The following CLIC5 variants were observed in gnomAD, a reference collection of about 807,000 sequenced individuals.
CLIC5 encodes the protein chloride intracellular channel protein 5.
Under a neutral mutation model 24.7 loss-of-function variants are expected in CLIC5, and 20 were observed. The observed-to-expected ratio is 0.81, with a 90% CI of 0.57 to 1.18. The LOEUF is 1.18. Among genes scored for constraint, CLIC5 ranks in the 50% most tolerant of loss-of-function variants. CLIC5 has a pLI of 0.00. For missense variants in CLIC5, 341 were observed against 326.1 expected, an observed-to-expected ratio of 1.05 and a Z score of -0.35; for synonymous variants, 159 against 135.6, an observed-to-expected ratio of 1.17 and a Z score of -1.20.
chr6:46,015,740 G>T lies in CLIC5; in HGVS notation c.-198C>A, dbSNP rs1344373539. The T allele has an allele frequency of 1.6e-6, 2 of 1,240,240 alleles. No individual in the cohort carries two copies. The highest frequency in any genetic ancestry group is 2.0e-6 in the Non-Finnish European group (2 of 992,240). 76.8% of individuals were successfully genotyped at this position (1,240,240 alleles called of 1,614,324 possible). A position where few individuals can be genotyped will look rare whatever the true frequency, so the allele number is the denominator to read the frequency against. On this transcript the variant is annotated 5_prime_UTR_variant, in exon 1 of 6. Transcript: ENST00000339561. ...GTGTCCCAGATGCTCACATGAAAAG[G>T]AGCGAAGCCGGGAGGAGGCGGGGGG...
the CLIC5 span, among the ~76,000 whole-genome samples, chr6:46,104,659 A>T: frequency 6.7e-6 from 1 of 149,316 alleles, no homozygotes; most frequent in Non-Finnish European, 1.5e-5. Context: ...AAAGACTCCT[A>T]TGTTTAAAAA....
At chr6:46,126,166 C>A in the CLIC5 span, among the ~76,000 whole-genome samples, 1 of 152,168 alleles carries the variant, frequency 6.6e-6, no homozygotes, top group Non-Finnish European at 1.5e-5. Flanking sequence ...AATTAACAGT[C>A]AGCCCCATCT....
chr6:46,047,826 T>C (rs1167919991), intron 1 of CLIC5, among the ~76,000 whole-genome samples: 1 of 103,918 alleles, frequency 9.6e-6, no homozygotes. Context: ...GCATTCAAAG[T>C]GTATGTTTCA....
the CLIC5 span, among the ~76,000 whole-genome samples, chr6:46,105,274 T>G: frequency 1.3e-5 from 2 of 152,158 alleles, no homozygotes; most frequent in Non-Finnish European, 2.9e-5. Context: ...GCCAGAAATA[T>G]CAGTTGTTTG....
At chr6:46,015,094 T>C (rs1445154158) in intron 1 of CLIC5, among the ~76,000 whole-genome samples, 5 of 152,158 alleles carry the variant, frequency 3.3e-5, no homozygotes, top group Non-Finnish European at 7.4e-5. Context: ...TTCCTCCCCC[T>C]CCTCCCGTTT....
chr6:45,913,323 T>C (rs953862031), intron 5 of CLIC5, among the ~76,000 whole-genome samples: 16 of 152,138 alleles, frequency 1.1e-4, no homozygotes, highest in African/African-American at 3.4e-4. Flanking sequence ...GGGGAAGAAG[T>C]GCTCATTGAC....
At chr6:45,938,144 G>A (rs774339770) in intron 4 of CLIC5, among the ~76,000 whole-genome samples, 1 of 152,246 alleles carries the variant, frequency 6.6e-6, no homozygotes, top group Admixed American at 6.5e-5. Flanking sequence ...GCAAAGTAAT[G>A]TAGGGCGGCA....
chr6:46,051,165 G>A (rs1768092230), intron 1 of CLIC5, among the ~76,000 whole-genome samples: 1 of 152,106 alleles, frequency 6.6e-6, no homozygotes, highest in East Asian at 1.9e-4. Flanking sequence ...TTCCTCTCTT[G>A]CACTTGTAAG....
rs1192750031 is a variant in CLIC5 at position 45,974,497 on chromosome 6, G to GTGTATATATATATA, written c.64-19254_64-19253insTATATATATATACA. 7.9e-4 allele frequency among the ~76,000 whole-genome samples: 60 copies of GTGTATATATATATA among 76,096 alleles called. 3 individuals are homozygous for GTGTATATATATATA. The highest frequency in any genetic ancestry group is 2.0e-3 in the South Asian group (3 of 1,488). 49.9% of individuals were successfully genotyped at this position (76,096 alleles called of 152,430 possible). The stretch of plus-strand genomic sequence containing the variant: ...AGTGTTTACTACTGTGTGTGTGTGT[G>GTGTATATATATATA]TATATATATATATATATATATATAT... On this transcript the variant is annotated intron_variant, in intron 1 of 5. Transcript: ENST00000339561.
chr6:45,928,767 A>AGTGTGTGT (rs5875948), intron 4 of CLIC5, among the ~76,000 whole-genome samples: 3,344 of 144,136 alleles, frequency 0.023, 120 homozygotes, highest in African/African-American at 0.085. Context: ...GAAGTGCATA[A>AGTGTGTGT]GTGTGTGTGT....
At chr6:46,019,097 C>T (rs1290955198), upstream of CLIC5, among the ~76,000 whole-genome samples, 11 of 147,192 alleles carry the variant, frequency 7.5e-5, no homozygotes, top group Non-Finnish European at 1.5e-4. Flanking sequence ...AAAAAAAAGC[C>T]AACAGATAAG....
intron 1 of CLIC5, among the ~76,000 whole-genome samples, chr6:46,049,684 T>G (rs988200960): frequency 6.6e-6 from 1 of 152,084 alleles, no homozygotes; most frequent in African/African-American, 2.4e-5. Flanking sequence ...AAACATTGGG[T>G]TGGGTAAATT....
At chr6:45,990,881 C>T (rs1457916124) in intron 1 of CLIC5, among the ~76,000 whole-genome samples, 1 of 152,190 alleles carries the variant, frequency 6.6e-6, no homozygotes, top group Non-Finnish European at 1.5e-5. Flanking sequence ...CTCCTACCAG[C>T]TCTGTGATCT....
intron 1 of CLIC5, among the ~76,000 whole-genome samples, chr6:46,030,797 T>A (rs1353084209): frequency 1.3e-5 from 2 of 152,210 alleles, no homozygotes; most frequent in Non-Finnish European, 2.9e-5. Flanking sequence ...AAACTCATGC[T>A]CCCACAGCAC....
At chr6:45,967,658 G>T (rs1765060830) in intron 1 of CLIC5, among the ~76,000 whole-genome samples, 1 of 152,140 alleles carries the variant, frequency 6.6e-6, no homozygotes, top group South Asian at 2.1e-4. Flanking sequence ...GATTTAGTTG[G>T]CTGATGGTCC....
At chr6:46,036,700 T>A (rs1288645464) in intron 1 of CLIC5, among the ~76,000 whole-genome samples, 2 of 152,262 alleles carry the variant, frequency 1.3e-5, no homozygotes, top group Non-Finnish European at 2.9e-5. Flanking sequence ...TGCTCAGTAT[T>A]TGTGGAATAA....
At chr6:45,949,820 T>A (rs3777584) in intron 2 of CLIC5, among the ~76,000 whole-genome samples, 3,753 of 152,242 alleles carry the variant, frequency 0.025, 95 homozygotes, top group East Asian at 0.086. Context: ...CTAATAAATA[T>A]CTCCAGATAC....
intron 4 of CLIC5, among the ~76,000 whole-genome samples, chr6:45,936,932 T>G: frequency 6.7e-6 from 1 of 148,530 alleles, no homozygotes; most frequent in African/African-American, 2.5e-5. Flanking sequence ...TTGGAAAGAG[T>G]GAGAGGAGGG....
At chr6:46,061,025 C>G (rs1342920032) in intron 1 of CLIC5, among the ~76,000 whole-genome samples, 1 of 152,128 alleles carries the variant, frequency 6.6e-6, no homozygotes, top group Non-Finnish European at 1.5e-5. Flanking sequence ...ATTTATCAAC[C>G]TGTTGATTTG....
Sources: gnomAD v4.1 joint callset for allele counts (sites outside exome capture counted in the v4.1 genomes callset) on GRCh38, gnomAD v4.1.1 for gene constraint, MANE v1.5 for transcripts, NCBI Gene and HGNC (gene_info 2026-07-23, HGNC 2026-07-21) for gene names.